Variants in GNAQ observed in about 807,000 individuals in gnomAD.
GNAQ encodes the protein G protein subunit alpha q.
GNAQ carries 8 observed loss-of-function variants against 43.9 expected under a neutral mutation model. The ratio of observed to expected loss-of-function variants is 0.18; its 90% CI spans 0.11 to 0.33. The LOEUF (loss-of-function observed/expected upper bound fraction) is 0.33. GNAQ is among the 10% of genes least tolerant of loss of function. GNAQ has a pLI of 1.00. For synonymous variants in GNAQ, 155 were observed against 170.7 expected (o/e 0.91, Z 0.71); for missense variants, 158 against 450.8 (o/e 0.35, Z 5.88).
At chr9:77,767,222 C>T (rs546168561) in intron 5 of GNAQ, among the ~76,000 whole-genome samples, 26 of 152,150 alleles carry the variant, frequency 1.7e-4, no homozygotes, top group Non-Finnish European at 3.7e-4. Flanking sequence ...CTCGACACTA[C>T]TGACATTTGG....
chr9:77,756,488 A>ATTCT (rs2118311872), intron 5 of GNAQ, among the ~76,000 whole-genome samples: 1 of 152,358 alleles, frequency 6.6e-6, no homozygotes, highest in Non-Finnish European at 1.5e-5. Context: ...ACGTGGAAGC[A>ATTCT]TTCTTTGAAG....
At chr9:77,823,142 T>C (rs1480832337) in intron 2 of GNAQ, among the ~76,000 whole-genome samples, 1 of 151,908 alleles carries the variant, frequency 6.6e-6, no homozygotes, top group Non-Finnish European at 1.5e-5. Flanking sequence ...GGTTTCACCG[T>C]GTTAGCCAGG....
At chr9:77,738,074 A>G (rs918267069) in intron 5 of GNAQ, among the ~76,000 whole-genome samples, 3 of 152,244 alleles carry the variant, frequency 2.0e-5, no homozygotes, top group Non-Finnish European at 4.4e-5. Context: ...TTTGTAACCT[A>G]TCTGTTTGGA....
At chr9:77,887,484 A>G (rs1036960486) in intron 2 of GNAQ, among the ~76,000 whole-genome samples, 3 of 152,142 alleles carry the variant, frequency 2.0e-5, no homozygotes. Flanking sequence ...TGCTTGCTTT[A>G]CTCCATACAT....
intron 2 of GNAQ, among the ~76,000 whole-genome samples, chr9:77,885,438 GA>G (rs550338223): frequency 9.4e-4 from 143 of 152,210 alleles, no homozygotes; most frequent in Non-Finnish European, 2.9e-5. Context: ...GTTAAGGGGA[GA>G]AAAAAGCAAA....
At chr9:77,917,374 G>A (rs12343046) in intron 2 of GNAQ, among the ~76,000 whole-genome samples, 8,739 of 151,300 alleles carry the variant, frequency 0.058, 833 homozygotes, top group African/African-American at 0.2. Context: ...GAAGGAGGGT[G>A]GGGGGGAAGA....
intron 3 of GNAQ, among the ~76,000 whole-genome samples, chr9:77,803,228 G>C (rs985616097): frequency 5.3e-5 from 8 of 152,178 alleles, no homozygotes; most frequent in African/African-American, 1.7e-4. Context: ...TAATAACCAA[G>C]TTCTGAATAA....
At chr9:77,749,899 A>C (rs746013680) in intron 5 of GNAQ, among the ~76,000 whole-genome samples, 1 of 152,198 alleles carries the variant, frequency 6.6e-6, no homozygotes, top group Non-Finnish European at 1.5e-5. Flanking sequence ...TGTGATGAAA[A>C]AAATATTGTG....
intron 1 of GNAQ, among the ~76,000 whole-genome samples, chr9:77,934,149 G>T (rs1829194922): frequency 6.6e-6 from 1 of 152,092 alleles, no homozygotes; most frequent in African/African-American, 2.4e-5. Context: ...GAAGTCAGGG[G>T]CCCTCCCAGC....
At chr9:77,978,628 A>G (rs1012728078) in intron 1 of GNAQ, among the ~76,000 whole-genome samples, 2 of 152,252 alleles carry the variant, frequency 1.3e-5, no homozygotes, top group Admixed American at 1.3e-4. Flanking sequence ...TACCTCCCAC[A>G]AAACCAACAG....
At chr9:77,783,528 C>T (rs920123877) in intron 5 of GNAQ, among the ~76,000 whole-genome samples, 3 of 152,116 alleles carry the variant, frequency 2.0e-5, no homozygotes, top group Non-Finnish European at 2.9e-5. Flanking sequence ...TATCATCTTT[C>T]CTTCTCACGT....
chr9:77,838,344 C>T (rs1283842795), intron 2 of GNAQ, among the ~76,000 whole-genome samples: 5 of 147,490 alleles, frequency 3.4e-5, no homozygotes, highest in East Asian at 2.0e-4. Flanking sequence ...GGTTTCTCCA[C>T]GTTGGTCAGG....
At chr9:77,874,720 G>T (rs1828102389) in intron 2 of GNAQ, among the ~76,000 whole-genome samples, 2 of 151,964 alleles carry the variant, frequency 1.3e-5, no homozygotes, top group South Asian at 2.1e-4. Flanking sequence ...CACCACCCGG[G>T]CTTAAGTGAT....
intron 1 of GNAQ, among the ~76,000 whole-genome samples, chr9:77,967,886 A>T (rs1823188478): frequency 6.6e-6 from 1 of 152,156 alleles, no homozygotes; most frequent in Admixed American, 6.5e-5. Flanking sequence ...AGGCTGAGGC[A>T]GGAGAATCGC....
intron 5 of GNAQ, among the ~76,000 whole-genome samples, chr9:77,783,623 C>T (rs1826431349): frequency 6.6e-6 from 1 of 152,182 alleles, no homozygotes; most frequent in Non-Finnish European, 1.5e-5. Context: ...CCTACCTTCC[C>T]ACTGCTCAGT....
intron 5 of GNAQ, among the ~76,000 whole-genome samples, chr9:77,768,504 C>A (rs1297482127): frequency 6.6e-6 from 1 of 152,210 alleles, no homozygotes; most frequent in East Asian, 1.9e-4. Flanking sequence ...GAGCTTGGGA[C>A]TTGAAAGCAT....
intron 2 of GNAQ, among the ~76,000 whole-genome samples, chr9:77,818,052 A>G (rs1471591883): frequency 2.0e-5 from 3 of 152,230 alleles, no homozygotes; most frequent in Non-Finnish European, 2.9e-5. Context: ...GTCTTGTGAG[A>G]AAGTTTCATG....
chr9:78,024,238 G>C (rs1178310694), intron 1 of GNAQ, among the ~76,000 whole-genome samples: 1 of 152,096 alleles, frequency 6.6e-6, no homozygotes, highest in East Asian at 1.9e-4. Context: ...AGGCAAGAAG[G>C]CAAAAACTGT....
intron 1 of GNAQ, among the ~76,000 whole-genome samples, chr9:78,001,824 A>G (rs1413044631): frequency 2.0e-5 from 3 of 152,200 alleles, no homozygotes; most frequent in Non-Finnish European, 2.9e-5. Context: ...TCCAAGATTG[A>G]TAAGTAATAG....
Sources: allele counts gnomAD v4.1 joint callset (sites outside exome capture counted in the v4.1 genomes callset), GRCh38; gene constraint gnomAD v4.1.1; transcripts MANE v1.5; gene names NCBI Gene and HGNC (gene_info 2026-07-23, HGNC 2026-07-21).